Variants in PEPD observed in about 807,000 individuals in gnomAD.
The protein encoded by PEPD is xaa-Pro dipeptidase.
A neutral mutation model predicts 60.7 loss-of-function variants in PEPD; 53 were observed. The observed-to-expected ratio is 0.87, with a 90% confidence interval of 0.70 to 1.10. PEPD has a LOEUF of 1.10. PEPD is among the 50% of genes least tolerant of loss of function. PEPD has a pLI of 0.00. For missense variants in PEPD, 711 were observed against 711.9 expected (o/e 1.00, Z 0.01); for synonymous variants, 267 against 284.1 (o/e 0.94, Z 0.60).
intron 5 of PEPD, among the ~76,000 whole-genome samples, chr19:33,491,135 A>G (rs939151297): frequency 6.6e-6 from 1 of 152,198 alleles, no homozygotes; most frequent in Non-Finnish European, 1.5e-5. Context: ...GCTAAAGGAA[A>G]TAACTATTTT....
intron 9 of PEPD, among the ~76,000 whole-genome samples, chr19:33,451,532 A>G (rs998277534): frequency 3.3e-5 from 5 of 152,204 alleles, no homozygotes; most frequent in Admixed American, 6.5e-5. Flanking sequence ...GCCACAAAGG[A>G]AAAAACAGAA....
rs142300255 is a variant in PEPD, at chr19:33,411,021, G to A, written c.818+651C>T. On this transcript the variant is annotated intron_variant, in intron 11 of 14. Transcript: ENST00000244137. ...AGCTGCTCTGCCCTGCACACCGAGG[G>A]GCTGTGGGTAGGACTGCAAGTCCTC... is the stretch of plus-strand genomic sequence containing the variant. Among the ~76,000 whole-genome samples the A allele has an allele frequency of 5.8e-4, 89 of 152,272 alleles. No homozygotes were observed. In the East Asian group the frequency reaches 0.016, roughly 27 times the overall value.
intron 9 of PEPD, among the ~76,000 whole-genome samples, chr19:33,457,171 C>T (rs1457716788): frequency 1.3e-5 from 2 of 151,680 alleles, no homozygotes; most frequent in Non-Finnish European, 2.9e-5. Flanking sequence ...GTGGCTTATG[C>T]CTAGAATCCC....
chr19:33,450,917 C>T (rs1048267912), intron 9 of PEPD, among the ~76,000 whole-genome samples: 4 of 152,180 alleles, frequency 2.6e-5, no homozygotes, highest in Admixed American at 2.6e-4. Flanking sequence ...ATTGTCATGG[C>T]AACACCAGGG....
intron 1 of PEPD, among the ~76,000 whole-genome samples, chr19:33,514,597 C>T (rs914015244): frequency 6.6e-6 from 1 of 151,958 alleles, no homozygotes; most frequent in African/African-American, 2.4e-5. Context: ...CCGACCTCCT[C>T]AGCATGCACG....
intron 9 of PEPD, among the ~76,000 whole-genome samples, chr19:33,423,066 C>G (rs1969064930): frequency 6.9e-6 from 1 of 145,044 alleles, no homozygotes. Flanking sequence ...TGATGATCAT[C>G]TATATCAGCC....
At position 33,493,262 on chromosome 19, in the gene PEPD, G is replaced by T. The variant is rs369570560; in HGVS notation, c.441+28C>A. The T allele has an allele frequency of 1.7e-5, 27 of 1,565,864 alleles. No homozygotes were observed. The African/African-American group carries it at 3.1e-4, about 18-fold the overall frequency. On this transcript the variant is annotated intron_variant, in intron 5 of 14. Coordinates refer to ENST00000244137, the MANE Select transcript of PEPD (RefSeq NM_000285.4). ...AAAACCCTCCCCAGAGCCAAGCACT[G>T]CCCCACCCCTGGACACCAGCCACTT... is the stretch of plus-strand genomic sequence containing the variant.
intron 11 of PEPD, among the ~76,000 whole-genome samples, chr19:33,410,128 A>G (rs8108025): frequency 0.053 from 7,999 of 152,304 alleles, 633 homozygotes; most frequent in African/African-American, 0.17. Context: ...CAGGGAGTCC[A>G]CTAAGGCCCA....
chr19:33,507,890 C>A (rs145325751), intron 3 of PEPD, among the ~76,000 whole-genome samples: 1 of 152,070 alleles, frequency 6.6e-6, no homozygotes, highest in Admixed American at 6.6e-5. Flanking sequence ...GAGGCCTGCT[C>A]GGGGTGGCTG....
rs548982069 is a variant in PEPD, at chr19:33,424,932, C to T, written c.672-11289G>A. ...TGAGAACAGTATGGGGGAAAGCACC[C>T]CCATGATTCAATATCCACACAGCCA... is the stretch of plus-strand genomic sequence containing the variant. On this transcript the variant is annotated intron_variant, in intron 9 of 14. Coordinates refer to ENST00000244137, the MANE Select transcript of PEPD (RefSeq NM_000285.4). Among the ~76,000 whole-genome samples the T allele has an allele frequency of 6.2e-4, 95 of 152,098 alleles. 1 individual carries two copies. Among genetic ancestry groups the T allele is most frequent in the South Asian group, 3.1e-3 (15 of 4,816 alleles).
chr19:33,393,559 A>AGCCCCACCTCCGTGAGCCTC (rs1968288125), intron 12 of PEPD, among the ~76,000 whole-genome samples: 1 of 148,572 alleles, frequency 6.7e-6, no homozygotes, highest in African/African-American at 2.6e-5. Flanking sequence ...CTGGTCAAAC[A>AGCCCCACCTCCGTGAGCCTC]AACAAACAGC....
chr19:33,433,751 G>T (rs1969319554), intron 9 of PEPD, among the ~76,000 whole-genome samples: 1 of 152,194 alleles, frequency 6.6e-6, no homozygotes. Context: ...AATTCTGCAA[G>T]TGCACAAATG....
intron 1 of PEPD, among the ~76,000 whole-genome samples, chr19:33,514,414 ACCT>A (rs1416139588): frequency 1.3e-5 from 2 of 151,596 alleles, no homozygotes; most frequent in East Asian, 2.0e-4. Flanking sequence ...AGCAGGTCAC[ACCT>A]CCTGCACATC....
At chr19:33,490,470 A>G (rs1970477694) in intron 5 of PEPD, among the ~76,000 whole-genome samples, 1 of 152,186 alleles carries the variant, frequency 6.6e-6, no homozygotes, top group African/African-American at 2.4e-5. Context: ...CATCCGAAAG[A>G]GTCCTGTCGA....
chr19:33,428,448 C>T (rs1192189172), intron 9 of PEPD, among the ~76,000 whole-genome samples: 1 of 152,208 alleles, frequency 6.6e-6, no homozygotes. Context: ...CCCTCCTGGC[C>T]CACCTTCCCA....
At chr19:33,416,128 C>T (rs1304803551) in intron 9 of PEPD, among the ~76,000 whole-genome samples, 1 of 152,204 alleles carries the variant, frequency 6.6e-6, no homozygotes, top group Non-Finnish European at 1.5e-5. Flanking sequence ...GGTGGACATT[C>T]CAAACTGGGG....
At chr19:33,445,553 G>GATC (rs1399891740) in intron 9 of PEPD, among the ~76,000 whole-genome samples, 1 of 152,234 alleles carries the variant, frequency 6.6e-6, no homozygotes, top group Non-Finnish European at 1.5e-5. Flanking sequence ...GACATGGCAA[G>GATC]AAGGCGGCAA....
intron 4 of PEPD, among the ~76,000 whole-genome samples, chr19:33,499,725 T>C (rs192945193): frequency 1.3e-5 from 2 of 152,010 alleles, no homozygotes; most frequent in African/African-American, 4.8e-5. Flanking sequence ...CCTCAAAAGA[T>C]GGATAGGAGA....
intron 6 of PEPD, among the ~76,000 whole-genome samples, chr19:33,484,405 CCAGCACAGAGTGACT>C (rs1970361950): frequency 6.6e-6 from 1 of 152,172 alleles, no homozygotes; most frequent in South Asian, 2.1e-4. Context: ...GCAAAGTGAC[CCAGCACAGAGTGACT>C]CAGCACATAG....
Sources: gnomAD v4.1 joint callset for allele counts (sites outside exome capture counted in the v4.1 genomes callset) on GRCh38, gnomAD v4.1.1 for gene constraint, MANE v1.5 for transcripts, NCBI Gene and HGNC (gene_info 2026-07-23, HGNC 2026-07-21) for gene names.